Variants in MBOAT1 observed in about 807,000 individuals in gnomAD.
The protein encoded by MBOAT1 is membrane-bound glycerophospholipid O-acyltransferase 1.
MBOAT1 carries 67 observed loss-of-function variants against 64.4 expected under a neutral mutation model. That is an observed-to-expected ratio of 1.04 (90% CI 0.85 to 1.27). The LOEUF (loss-of-function observed/expected upper bound fraction) is 1.27. Ranked by LOEUF, MBOAT1 falls within the 50% of genes most tolerant of loss-of-function variation. The pLI is 0.00. For synonymous variants in MBOAT1, 229 were observed against 218.9 expected (o/e 1.05, Z -0.41); for missense variants, 563 against 604.6 (o/e 0.93, Z 0.72).
At chr6:20,107,736 T>C (rs2113625690) in intron 12 of MBOAT1, among the ~76,000 whole-genome samples, 1 of 152,154 alleles carries the variant, frequency 6.6e-6, no homozygotes, top group East Asian at 1.9e-4. Flanking sequence ...GATCAATATA[T>C]TCCTTAAAAA....
chr6:20,131,392 T>C (rs1442442186), intron 4 of MBOAT1, among the ~76,000 whole-genome samples, 193 bp from the exon 5 acceptor site: 1 of 152,226 alleles, frequency 6.6e-6, no homozygotes, highest in African/African-American at 2.4e-5. Flanking sequence ...GAGTGAGTTC[T>C]CACAAGACCT....
At chr6:20,127,872 A>G (rs554070102) in intron 6 of MBOAT1, among the ~76,000 whole-genome samples, 66 of 152,286 alleles carry the variant, frequency 4.3e-4, no homozygotes, top group African/African-American at 1.5e-3. Context: ...GTCTTCCACT[A>G]AACTGGTCCC....
At position 20,129,627 on chromosome 6, in the gene MBOAT1, T is replaced by C. The variant is rs996933458; in HGVS notation, c.476-874A>G. On this transcript the variant is annotated intron_variant, in intron 5 of 12. Coordinates refer to ENST00000324607, the MANE Select transcript of MBOAT1 (RefSeq NM_001080480.3). ...GGATGTTCCAGGAAATATGGTAAACTGAGAATGCTTTAAAAAGTAAATTTA... is the reference window on the plus strand; with the variant it reads ...GGATGTTCCAGGAAATATGGTAAACCGAGAATGCTTTAAAAAGTAAATTTA... Among the ~76,000 whole-genome samples the C allele has an allele frequency of 1.2e-4, 18 of 151,300 alleles. No homozygotes were observed. The East Asian group carries it at 3.3e-3, about 28-fold the overall frequency.
rs559726788 is a variant in MBOAT1, at chr6:20,153,951, T to G, written c.100-1182A>C. Among the ~76,000 whole-genome samples, 23 of 152,322 alleles carry G rather than the reference T, an allele frequency of 1.5e-4. 1 individual carries two copies. Among genetic ancestry groups the G allele is most frequent in the African/African-American group, 5.5e-4 (23 of 41,572 alleles). ...CATTCATTAAAACTAGAAAAGTAAC[T>G]TAAACTCTTCAAAGTATTCAAAACT... On this transcript the variant is annotated intron_variant, in intron 1 of 12. Coordinates refer to ENST00000324607, the MANE Select transcript of MBOAT1 (RefSeq NM_001080480.3).
chr6:20,193,046 C>T (rs1246085157), intron 1 of MBOAT1, among the ~76,000 whole-genome samples: 1 of 114,912 alleles, frequency 8.7e-6, no homozygotes, highest in East Asian at 2.8e-4. Flanking sequence ...CGCTCTGTCG[C>T]CCAGGCTGGA....
chr6:20,158,407 T>C (rs1313872887), intron 1 of MBOAT1, among the ~76,000 whole-genome samples: 1 of 152,160 alleles, frequency 6.6e-6, no homozygotes, highest in Non-Finnish European at 1.5e-5. Flanking sequence ...ATCTCATCCC[T>C]TATACAAGAA....
At chr6:20,167,056 T>C (rs1762035276) in intron 1 of MBOAT1, among the ~76,000 whole-genome samples, 1 of 152,118 alleles carries the variant, frequency 6.6e-6, no homozygotes, top group African/African-American at 2.4e-5. Context: ...TGATTTGATC[T>C]CCCCCGTCTG....
rs530537960 is a variant in MBOAT1 at position 20,112,027 on chromosome 6, G to T, written c.1209+849C>A. ...CTCCTGAAATCTTCACAGGATAAAT[G>T]AATTAAAGGGTGAGTGGATAGCTAT... On this transcript the variant is annotated intron_variant, in intron 11 of 12. Coordinates refer to ENST00000324607, the MANE Select transcript of MBOAT1 (RefSeq NM_001080480.3). 1.9e-4 allele frequency among the ~76,000 whole-genome samples: 29 copies of T among 150,552 alleles called. No individual in the cohort carries two copies. The South Asian group carries it at 5.9e-3, about 30-fold the overall frequency.
At chr6:20,181,136 T>C (rs1403148193) in intron 1 of MBOAT1, among the ~76,000 whole-genome samples, 1 of 152,220 alleles carries the variant, frequency 6.6e-6, no homozygotes, top group African/African-American at 2.4e-5. Context: ...TTTCCCATCT[T>C]GTGGCTGCAG....
At chr6:20,143,916 A>C (rs35426539) in intron 4 of MBOAT1, among the ~76,000 whole-genome samples, 33,757 of 152,134 alleles carry the variant, frequency 0.22, 4,426 homozygotes, top group East Asian at 0.48. Flanking sequence ...GTAGTGCAAA[A>C]GCACTCATAG....
intron 10 of MBOAT1, among the ~76,000 whole-genome samples, chr6:20,114,599 T>C (rs2113636271): frequency 1.3e-5 from 2 of 152,266 alleles, no homozygotes; most frequent in Middle Eastern, 3.4e-3. Context: ...AATCTAATTC[T>C]GGGCTGGGTG....
chr6:20,154,465 A>G (rs1355192366), intron 1 of MBOAT1, among the ~76,000 whole-genome samples: 2 of 152,144 alleles, frequency 1.3e-5, no homozygotes. Flanking sequence ...CTCGGGAGGC[A>G]GAGGTTGCAG....
intron 1 of MBOAT1, among the ~76,000 whole-genome samples, chr6:20,195,212 G>C (rs1264636890): frequency 6.6e-6 from 1 of 152,120 alleles, no homozygotes; most frequent in Non-Finnish European, 1.5e-5. Context: ...CTCAGCCTCC[G>C]AAAGTGCTAG....
At chr6:20,124,292 C>T in intron 8 of MBOAT1, 116 bp downstream of exon 8, 1 of 990,666 alleles carries the variant, frequency 1.0e-6, no homozygotes, top group Non-Finnish European at 1.5e-6. Flanking sequence ...GACTCAACTG[C>T]CTCCCATTAC....
chr6:20,191,348 C>T (rs548172489), intron 1 of MBOAT1, among the ~76,000 whole-genome samples: 11 of 152,250 alleles, frequency 7.2e-5, no homozygotes, highest in South Asian at 4.1e-4. Context: ...ACAATTTACC[C>T]GGGCCATAGC....
At position 20,120,206 on chromosome 6, in the gene MBOAT1, G is replaced by A. The variant is rs527803124; in HGVS notation, c.908-1666C>T. Among the ~76,000 whole-genome samples the A allele has an allele frequency of 4.6e-5, 7 of 152,132 alleles. No homozygotes were observed. In the East Asian group the frequency reaches 7.7e-4, roughly 17 times the overall value. On this transcript the variant is annotated intron_variant, in intron 8 of 12. Transcript: ENST00000324607. ...GGGCCTAGGAGAAGAATCATCTAAC[G>A]TCTAAAAACCTGCTCCCTTGAGCAT...
intron 1 of MBOAT1, among the ~76,000 whole-genome samples, chr6:20,206,292 G>C (rs1763263222): frequency 6.6e-6 from 1 of 152,156 alleles, no homozygotes; most frequent in African/African-American, 2.4e-5. Context: ...TCTTGCCTCA[G>C]CCTCCCGAGT....
chr6:20,199,078 G>A lies in MBOAT1; in HGVS notation c.99+13058C>T, dbSNP rs949011946. Among the ~76,000 whole-genome samples the A allele has an allele frequency of 4.6e-5, 7 of 152,288 alleles. No homozygotes were observed. In the East Asian group the frequency reaches 9.6e-4, roughly 21 times the overall value. ...AGGCCAACCTGTAACCAGTCCAGCTGTTTCTGTACCTTACTTCCATTTCCT... is the reference window on the plus strand; with the variant it reads ...AGGCCAACCTGTAACCAGTCCAGCTATTTCTGTACCTTACTTCCATTTCCT... On this transcript the variant is annotated intron_variant, in intron 1 of 12. Transcript: ENST00000324607.
intron 10 of MBOAT1, among the ~76,000 whole-genome samples, chr6:20,114,431 A>G (rs1253605267): frequency 6.6e-6 from 1 of 152,238 alleles, no homozygotes; most frequent in Non-Finnish European, 1.5e-5. Context: ...ACAAAAATAT[A>G]AATTTTAAAA....
Sources: gnomAD v4.1 joint callset for allele counts (sites outside exome capture counted in the v4.1 genomes callset) on GRCh38, gnomAD v4.1.1 for gene constraint, MANE v1.5 for transcripts, NCBI Gene and HGNC (gene_info 2026-07-23, HGNC 2026-07-21) for gene names.